The following CHRNB3 variants were observed in gnomAD, a reference collection of about 807,000 sequenced individuals.
The protein encoded by CHRNB3 is cholinergic receptor nicotinic beta 3 subunit.
CHRNB3 carries 37 observed loss-of-function variants against 40.6 expected under a neutral mutation model. The observed-to-expected ratio is 0.91, with a 90% CI of 0.70 to 1.20. The LOEUF is 1.20. Among genes scored for constraint, CHRNB3 ranks in the 50% most tolerant of loss-of-function variants. The pLI is 0.00. For missense variants in CHRNB3, 505 were observed against 551.2 expected, an observed-to-expected ratio of 0.92 and a Z score of 0.84; for synonymous variants, 207 against 207.1, an observed-to-expected ratio of 1.00 and a Z score of 0.00.
intron 3 of CHRNB3, among the ~76,000 whole-genome samples, chr8:42,719,188 C>T (rs1174094859): frequency 6.6e-6 from 1 of 152,178 alleles, no homozygotes; most frequent in African/African-American, 2.4e-5. Flanking sequence ...CAGAAAACCT[C>T]GCAGCCCCTT....
At position 42,736,496 on chromosome 8, in the gene CHRNB3, TG is replaced by T; in HGVS notation, c.1257del (p.Trp419Ter). 1 of 1,614,230 alleles carries T rather than the reference TG, an allele frequency of 6.2e-7. No homozygotes were observed. The highest frequency in any genetic ancestry group is 8.5e-7 in the Non-Finnish European group (1 of 1,180,040). ...TTCTCTTTTGCAGGTAGTACAAGACTGGAAATTTGTAGCTCAAGTTCTTGAC... is the reference window on the plus strand; with the variant it reads ...TTCTCTTTTGCAGGTAGTACAAGACTGAAATTTGTAGCTCAAGTTCTTGAC... Reference protein sequence around the residue: ...EHFISQVVQDWKFVAQVLDRI... With the variant: ...EHFISQVVQDXKFVAQVLDRI... On this transcript the variant is annotated frameshift_variant, in exon 6 of 6. Coordinates refer to ENST00000289957, the MANE Select transcript of CHRNB3 (RefSeq NM_000749.5). LOFTEE classifies it high-confidence loss of function.
intron 3 of CHRNB3, among the ~76,000 whole-genome samples, chr8:42,719,715 T>C (rs1354817686): frequency 3.9e-5 from 6 of 152,134 alleles, no homozygotes; most frequent in Non-Finnish European, 7.3e-5. Flanking sequence ...TGTGATTCCC[T>C]GTCTGATAGC....
At chr8:42,722,418 C>T (rs570543379) in intron 3 of CHRNB3, among the ~76,000 whole-genome samples, 29 of 152,198 alleles carry the variant, frequency 1.9e-4, no homozygotes, top group South Asian at 1.2e-3. Flanking sequence ...CCCTCCTTCC[C>T]GTGGCCTTGC....
chr8:42,701,760 C>T (rs1432443635), intron 1 of CHRNB3, among the ~76,000 whole-genome samples: 1 of 152,166 alleles, frequency 6.6e-6, no homozygotes, highest in Non-Finnish European at 1.5e-5. Context: ...TAAACAGCAG[C>T]TTGAGTGAAG....
chr8:42,705,314 G>A (rs564861471), intron 1 of CHRNB3, among the ~76,000 whole-genome samples: 1 of 152,336 alleles, frequency 6.6e-6, no homozygotes, highest in Admixed American at 6.5e-5. Flanking sequence ...GCAGGGAACT[G>A]GCAGTGTCTG....
chr8:42,712,859 CTTTTT>C (rs567650103), intron 3 of CHRNB3, among the ~76,000 whole-genome samples: 2 of 114,750 alleles, frequency 1.7e-5, no homozygotes, highest in South Asian at 3.0e-4. Flanking sequence ...CCACTGCTCT[CTTTTT>C]TTTTTTTTTT....
At chr8:42,697,663 C>T in intron 1 of CHRNB3, 65 bp downstream of exon 1, 1 of 1,187,558 alleles carries the variant, frequency 8.4e-7, no homozygotes, top group South Asian at 1.2e-5. Context: ...GGAGGCAAAA[C>T]TATGGTGTTG....
intron 3 of CHRNB3, among the ~76,000 whole-genome samples, chr8:42,712,046 G>A (rs1816025008): frequency 6.6e-6 from 1 of 151,978 alleles, no homozygotes; most frequent in South Asian, 2.1e-4. Flanking sequence ...AGGCTGGAGT[G>A]CAATGGCGCA....
At position 42,697,492 on chromosome 8, in the gene CHRNB3, G is replaced by A; in HGVS notation, c.-55G>A. The A allele has an allele frequency of 6.7e-7, 1 of 1,503,112 alleles. No homozygotes were observed. The highest frequency in any genetic ancestry group is 1.1e-5 in the South Asian group (1 of 88,064). 93.1% of individuals were successfully genotyped at this position (1,503,112 alleles called of 1,614,324 possible). A position where few individuals can be genotyped will look rare whatever the true frequency, so the allele number is the denominator to read the frequency against. On this transcript the variant is annotated 5_prime_UTR_variant, in exon 1 of 6. Transcript: ENST00000289957. The stretch of plus-strand genomic sequence containing the variant: ...TCTTTTCAAAACCCCCTTTTCCAGT[G>A]GAAATGCTCTGTTGTTAAAAAGGAA...
In CHRNB3 at chr8:42,697,480, C is replaced by T. The variant is rs1412683757; in HGVS notation, c.-67C>T. ...ACCCCTGTATTTTCTTTTCAAAACC[C>T]CCTTTTCCAGTGGAAATGCTCTGTT... On this transcript the variant is annotated 5_prime_UTR_variant, in exon 1 of 6. Transcript: ENST00000289957. The T allele has an allele frequency of 1.4e-6, 2 of 1,401,456 alleles. No homozygotes were observed. The highest frequency in any genetic ancestry group is 1.4e-5 in the African/African-American group (1 of 70,806). 86.8% of individuals were successfully genotyped at this position (1,401,456 alleles called of 1,614,324 possible).
At position 42,709,965 on chromosome 8, in the gene CHRNB3, C is replaced by T. The variant is rs143759567; in HGVS notation, c.205-425C>T. On this transcript the variant is annotated intron_variant, in intron 2 of 5. Coordinates refer to ENST00000289957, the MANE Select transcript of CHRNB3 (RefSeq NM_000749.5). ...ACCTTTAAAGTGCCTTCTGGGTCAT[C>T]CAATTTTATGTAAATATAGCCACAA... 2.3e-3 allele frequency among the ~76,000 whole-genome samples: 356 copies of T among 152,254 alleles called. 1 individual carries two copies. The highest frequency in any genetic ancestry group is 4.3e-3 in the Non-Finnish European group (290 of 68,020).
chr8:42,716,667 A>G (rs188474185), intron 3 of CHRNB3, among the ~76,000 whole-genome samples: 1 of 152,160 alleles, frequency 6.6e-6, no homozygotes, highest in Non-Finnish European at 1.5e-5. Context: ...ACTTCCGGGT[A>G]TTGCCATGGC....
rs188024921 is a variant in CHRNB3 at position 42,727,755 on chromosome 8, C to T, written c.250-2839C>T. Among the ~76,000 whole-genome samples, 556 of 152,082 alleles carry T rather than the reference C, an allele frequency of 3.7e-3. 3 individuals carry two copies. The highest frequency in any genetic ancestry group is 4.2e-3 in the Non-Finnish European group (287 of 68,000). On this transcript the variant is annotated intron_variant, in intron 3 of 5. Coordinates refer to ENST00000289957, the MANE Select transcript of CHRNB3 (RefSeq NM_000749.5). Reference sequence around the variant, plus strand: ...GTGTGCACCTGTAGTCTCAGCTACTCGGGAGCCTGAGCCAGGGGAATCGCT... The same window carrying T: ...GTGTGCACCTGTAGTCTCAGCTACTTGGGAGCCTGAGCCAGGGGAATCGCT...
intron 5 of CHRNB3, among the ~76,000 whole-genome samples, chr8:42,734,621 G>A (rs983783811): frequency 1.3e-5 from 2 of 151,546 alleles, no homozygotes; most frequent in African/African-American, 4.9e-5. Context: ...GGGTTTCACT[G>A]TGTTAACCAG....
At chr8:42,723,144 CGTAA>C (rs749293471) in intron 3 of CHRNB3, among the ~76,000 whole-genome samples, 2 of 149,956 alleles carry the variant, frequency 1.3e-5, no homozygotes, top group Non-Finnish European at 3.0e-5. Flanking sequence ...ACTAAAATAT[CGTAA>C]GTAATAGGAT....
At chr8:42,705,355 C>T (rs1736520318) in intron 1 of CHRNB3, among the ~76,000 whole-genome samples, 1 of 152,162 alleles carries the variant, frequency 6.6e-6, no homozygotes, top group African/African-American at 2.4e-5. Context: ...GAATGGGTTC[C>T]CCAAAGTTCA....
chr8:42,728,998 G>A (rs758064447), intron 3 of CHRNB3, among the ~76,000 whole-genome samples: 47 of 152,060 alleles, frequency 3.1e-4, no homozygotes, highest in African/African-American at 9.4e-4. Context: ...TTTGTTCTTC[G>A]AAATTGGAAG....
chr8:42,702,560 C>A (rs368499416), intron 1 of CHRNB3, among the ~76,000 whole-genome samples: 1 of 152,036 alleles, frequency 6.6e-6, no homozygotes, highest in Non-Finnish European at 1.5e-5. Context: ...GTCCAGAGAT[C>A]GAGACCATCC....
chr8:42,726,016 T>TCG, intron 3 of CHRNB3: 1 of 1,083,144 alleles, frequency 9.2e-7, no homozygotes. Flanking sequence ...TCACTTCTAG[T>TCG]CGTCTGAGAC....
Sources: gnomAD v4.1 joint callset for allele counts (sites outside exome capture counted in the v4.1 genomes callset) on GRCh38, gnomAD v4.1.1 for gene constraint, MANE v1.5 for transcripts, NCBI Gene and HGNC (gene_info 2026-07-23, HGNC 2026-07-21) for gene names.